The following SCP2 variants were observed in gnomAD, a reference collection of about 807,000 sequenced individuals.
SCP2 encodes the protein sterol carrier protein 2, also known as SCP-2/3-oxoacyl-CoA thiolase.
Under a neutral mutation model 71.4 loss-of-function variants are expected in SCP2, and 48 were observed. That is an observed-to-expected ratio of 0.67 (90% CI 0.53 to 0.86). SCP2 has a LOEUF of 0.86. Among genes scored for constraint, SCP2 ranks in the 40% least tolerant of loss-of-function variants. The probability of loss-of-function intolerance (pLI) is 0.00; values close to 1 mark genes in which losing one functional copy is unlikely to be tolerated. For synonymous variants in SCP2, 220 were observed against 218.1 expected (o/e 1.01, Z -0.08); for missense variants, 560 against 655.6 (o/e 0.85, Z 1.59).
intron 14 of SCP2, among the ~76,000 whole-genome samples, chr1:53,042,660 G>A (rs1663520737): frequency 6.6e-6 from 1 of 152,174 alleles, no homozygotes; most frequent in Non-Finnish European, 1.5e-5. Flanking sequence ...ATGGCTATTT[G>A]TTAGAGATTA....
At chr1:52,957,216 CT>C (rs1655904139) in intron 5 of SCP2, among the ~76,000 whole-genome samples, 1 of 152,078 alleles carries the variant, frequency 6.6e-6, no homozygotes, top group Non-Finnish European at 1.5e-5. Flanking sequence ...CCCCTGGCCC[CT>C]GGCCCCTGGC....
intron 5 of SCP2, among the ~76,000 whole-genome samples, chr1:52,961,076 T>C (rs1656392348): frequency 6.7e-6 from 1 of 149,664 alleles, no homozygotes; most frequent in Non-Finnish European, 1.5e-5. Context: ...CTTTTTTTTT[T>C]TTTTTTTTTT....
chr1:53,003,205 C>T (rs1660429656), intron 11 of SCP2, among the ~76,000 whole-genome samples: 1 of 152,090 alleles, frequency 6.6e-6, no homozygotes. Flanking sequence ...CCCTGAATTT[C>T]TGTTTCTATT....
intron 1 of SCP2, chr1:52,928,902 A>G (rs150863234): frequency 6.5e-6 from 1 of 154,480 alleles, no homozygotes; most frequent in Non-Finnish European, 1.5e-5. Context: ...CTTTCGAAGT[A>G]AGGTATTAAT....
At chr1:53,023,395 C>T (rs889497834) in intron 12 of SCP2, among the ~76,000 whole-genome samples, 3 of 152,142 alleles carry the variant, frequency 2.0e-5, no homozygotes, top group Non-Finnish European at 2.9e-5. Flanking sequence ...CATATTCAGA[C>T]TTTTGACCAA....
intron 11 of SCP2, among the ~76,000 whole-genome samples, chr1:53,013,106 C>CTTTTTT (rs754111443): frequency 2.9e-5 from 3 of 104,636 alleles, no homozygotes; most frequent in Non-Finnish European, 5.5e-5. Context: ...GTGGAGCTAC[C>CTTTTTT]TTTTTTTTTT....
intron 13 of SCP2, among the ~76,000 whole-genome samples, chr1:53,038,016 T>C (rs1663141880): frequency 7.4e-6 from 1 of 135,430 alleles, no homozygotes; most frequent in African/African-American, 3.0e-5. Flanking sequence ...TGGTGGCACA[T>C]GCTTGTAGTC....
chr1:53,041,369 T>A (rs927328302), intron 14 of SCP2, among the ~76,000 whole-genome samples: 37 of 150,076 alleles, frequency 2.5e-4, no homozygotes, highest in African/African-American at 8.9e-4. Context: ...ACCATTGCAC[T>A]CCAGCCTGGG....
At chr1:53,022,029 C>T (rs116119377) in intron 12 of SCP2, among the ~76,000 whole-genome samples, 1,542 of 152,234 alleles carry the variant, frequency 0.01, 33 homozygotes, top group African/African-American at 0.035. Flanking sequence ...TTTAAGTGTA[C>T]GTTCAGTGGT....
At chr1:52,944,403 G>A (rs1413107136) in intron 2 of SCP2, among the ~76,000 whole-genome samples, 1 of 151,940 alleles carries the variant, frequency 6.6e-6, no homozygotes, top group East Asian at 1.9e-4. Context: ...TGTTATACAA[G>A]GAATCAGAGC....
At chr1:53,044,462 T>C (rs1663657041) in intron 14 of SCP2, among the ~76,000 whole-genome samples, 1 of 152,268 alleles carries the variant, frequency 6.6e-6, no homozygotes, top group Non-Finnish European at 1.5e-5. Context: ...ATTCAACAAG[T>C]ATTTATTGAT....
chr1:52,946,658 A>C (rs568695911), intron 2 of SCP2, among the ~76,000 whole-genome samples: 18 of 151,964 alleles, frequency 1.2e-4, no homozygotes, highest in Non-Finnish European at 2.4e-4. Flanking sequence ...TCATTTTTTG[A>C]CTAACCCAAT....
At chr1:52,935,587 C>CAAA (rs35419796) in intron 1 of SCP2, among the ~76,000 whole-genome samples, 31 of 108,688 alleles carry the variant, frequency 2.9e-4, no homozygotes, top group East Asian at 1.1e-3. Flanking sequence ...GAGACTCAGT[C>CAAA]AAAAAAAAAA....
intron 11 of SCP2, among the ~76,000 whole-genome samples, chr1:53,000,193 A>G (rs1660221964): frequency 6.6e-6 from 1 of 150,402 alleles, no homozygotes; most frequent in Non-Finnish European, 1.5e-5. Flanking sequence ...GCAGGAGGAT[A>G]GCTTGAAGCC....
chr1:53,022,554 T>C (rs1311215329), intron 12 of SCP2, among the ~76,000 whole-genome samples: 2 of 152,238 alleles, frequency 1.3e-5, no homozygotes, highest in Admixed American at 1.3e-4. Flanking sequence ...TTTTAATTAT[T>C]GAGTTGTGAG....
At chr1:52,996,093 C>A in intron 11 of SCP2, 1 of 749,252 alleles carries the variant, frequency 1.3e-6, no homozygotes, top group Non-Finnish European at 1.9e-6. Flanking sequence ...CCCCTTTTCT[C>A]TACCTCAGAA....
At chr1:52,929,393 C>T (rs1652916182) in intron 1 of SCP2, among the ~76,000 whole-genome samples, 1 of 151,948 alleles carries the variant, frequency 6.6e-6, no homozygotes, top group African/African-American at 2.4e-5. Context: ...TCACTACTTA[C>T]TACTAGATGG....
intron 6 of SCP2, among the ~76,000 whole-genome samples, chr1:52,970,085 T>A (rs897129992): frequency 2.6e-5 from 4 of 152,232 alleles, no homozygotes; most frequent in African/African-American, 4.8e-5. Context: ...ACAAGTTCTA[T>A]AATTTCCATT....
intron 10 of SCP2, among the ~76,000 whole-genome samples, chr1:52,986,639 CT>C (rs1375603853): frequency 3.9e-5 from 6 of 152,176 alleles, no homozygotes; most frequent in African/African-American, 1.2e-4. Context: ...TCCTAGATCT[CT>C]TGCTGTTGCC....
Sources: gnomAD v4.1 joint callset for allele counts (sites outside exome capture counted in the v4.1 genomes callset) on GRCh38, gnomAD v4.1.1 for gene constraint, MANE v1.5 for transcripts, NCBI Gene and HGNC (gene_info 2026-07-23, HGNC 2026-07-21) for gene names.